Variants in KCTD19 observed in about 807,000 individuals in gnomAD.
KCTD19 encodes the protein potassium channel tetramerization domain containing 19, also known as BTB/POZ domain-containing protein KCTD19.
In KCTD19, 67 loss-of-function variants were observed where a neutral mutation model predicts 103.5. The ratio of observed to expected loss-of-function variants is 0.65; its 90% confidence interval spans 0.53 to 0.79. The LOEUF (loss-of-function observed/expected upper bound fraction) is 0.79. Among genes scored for constraint, KCTD19 ranks in the 30% least tolerant of loss-of-function variants. The pLI, the probability that KCTD19 is intolerant of heterozygous loss-of-function variation, is 0.00. For missense variants in KCTD19, 980 were observed against 1,136.1 expected (o/e 0.86, Z 1.98); for synonymous variants, 439 against 452.2 (o/e 0.97, Z 0.37).
At position 67,291,445 on chromosome 16, in the gene KCTD19, A is replaced by G. The variant is rs1392121067; in HGVS notation, c.2429T>C (p.Phe810Ser). 2 of 1,614,034 alleles carry G rather than the reference A, an allele frequency of 1.2e-6. No homozygotes were observed. Among genetic ancestry groups the G allele is most frequent in the Admixed American group, 3.3e-5 (2 of 60,000 alleles). ...PQPQEVTFLSFSLSWEEMFYA... is the reference protein window; with the variant it reads ...PQPQEVTFLSSSLSWEEMFYA... ...AAACATCTCTTCCCAGGACAGAGAG[A>G]AACTCAGGAAAGTCACTTCTGTGGA... is the stretch of plus-strand genomic sequence containing the variant. The change falls in exon 14 of 16, where the codon TTC becomes TCC. Residue 810 changes from phenylalanine (F) to serine (S), a missense_variant. Coordinates refer to ENST00000304372, the MANE Select transcript of KCTD19 (RefSeq NM_001100915.3).
At chr16:67,299,077 CT>C (rs2036802116) in intron 6 of KCTD19, among the ~76,000 whole-genome samples, 1 of 152,270 alleles carries the variant, frequency 6.6e-6, no homozygotes, top group Non-Finnish European at 1.5e-5. Context: ...CACCTCAGAC[CT>C]AGCACAGGGC....
At chr16:67,318,387 C>A (rs2037034951) in intron 2 of KCTD19, among the ~76,000 whole-genome samples, 3 of 151,996 alleles carry the variant, frequency 2.0e-5, no homozygotes, top group Admixed American at 2.0e-4. Context: ...CATGGTGAAA[C>A]CCTGTCTCTA....
At chr16:67,302,392 G>C (rs1193006806) in intron 4 of KCTD19, 1 of 164,082 alleles carries the variant, frequency 6.1e-6, no homozygotes, top group African/African-American at 2.4e-5. Context: ...AATCAACTTA[G>C]AGATACAGAA....
rs767604574 is a variant in KCTD19, at chr16:67,291,670, G to T, written c.2386C>A (p.Pro796Thr). ...CCTTGGGGCTGGGGACTGGCTGTGG[G>T]TGTTGTGTGCCTGAGGTTGTCCATC... ...TEMDNLRHTT[P>T]TASPQPQEVT... Residue 796 changes from proline to threonine, a missense_variant, in exon 13 of 16, where the codon CCC (proline) becomes ACC (threonine). Pro to Thr is a conservative substitution (Grantham distance 38). Coordinates refer to ENST00000304372, the MANE Select transcript of KCTD19 (RefSeq NM_001100915.3). 2 of 1,613,992 alleles carry T rather than the reference G, an allele frequency of 1.2e-6. No homozygotes were observed. Among genetic ancestry groups the T allele is most frequent in the Middle Eastern group, 1.6e-4 (1 of 6,062 alleles).
intron 2 of KCTD19, among the ~76,000 whole-genome samples, chr16:67,314,830 T>TATAGAGAGAG (rs1430877802): frequency 1.5e-4 from 5 of 33,652 alleles, no homozygotes; most frequent in African/African-American, 1.1e-3. Context: ...TATATATATA[T>TATAGAGAGAG]AGAGAGAGAG....
intron 14 of KCTD19, 22 bp downstream of exon 14, chr16:67,291,287 G>A: frequency 2.5e-6 from 4 of 1,608,796 alleles, no homozygotes; most frequent in Non-Finnish European, 3.4e-6. Context: ...GTGCCCCAGG[G>A]CCTGAGGCCT....
Position 67,303,717 on chromosome 16 carries a change from TTTG to T in KCTD19, c.452-383_452-381del, listed in dbSNP as rs762829117. On this transcript the variant is annotated intron_variant, in intron 3 of 15. Transcript: ENST00000304372. The surrounding 1 kb of genome is among the most constrained non-coding windows in gnomAD (Gnocchi z 4.3). ...CACGTGCCACCACACCCAGCTAATT[TTTG>T]TGTTTTCAGTAGAGACGGGGTTTCA... Among the ~76,000 whole-genome samples the T allele has an allele frequency of 4.1e-4, 62 of 152,112 alleles. No individual in the cohort carries two copies. Among genetic ancestry groups the T allele is most frequent in the Non-Finnish European group, 6.9e-4 (47 of 67,984 alleles).
At chr16:67,290,469 C>T (rs1373782992) in intron 15 of KCTD19, among the ~76,000 whole-genome samples, 6 of 152,106 alleles carry the variant, frequency 3.9e-5, no homozygotes, top group Non-Finnish European at 8.8e-5. Context: ...TGAGCCACCG[C>T]GCCCGGCCTA....
Position 67,291,650 on chromosome 16 carries a change from G to C in KCTD19, c.2406C>G (p.Pro802=). Residue 802 remains proline (P), a synonymous_variant, in exon 13 of 16, where the codon CCC becomes CCG. Coordinates refer to ENST00000304372, the MANE Select transcript of KCTD19 (RefSeq NM_001100915.3). ...RHTTPTASPQ[P]QEVTFLSFSL... is the part of the protein sequence containing the mutation. The stretch of plus-strand genomic sequence containing the variant: ...GGCCTGGCTCCAGAGCCTCACCTTG[G>C]GGCTGGGGACTGGCTGTGGGTGTTG... 6.2e-7 allele frequency: 1 copy of C among 1,613,288 alleles called. No homozygotes were observed. Among genetic ancestry groups the C allele is most frequent in the Middle Eastern group, 1.7e-4 (1 of 6,058 alleles).
chr16:67,292,534 GAGT>G (rs2036711611), intron 12 of KCTD19, among the ~76,000 whole-genome samples: 1 of 152,210 alleles, frequency 6.6e-6, no homozygotes, highest in South Asian at 2.1e-4. Context: ...CATGTCCAAA[GAGT>G]GGACATTTGT....
At chr16:67,291,185 C>A in intron 14 of KCTD19, 124 bp downstream of exon 14, 1 of 1,273,100 alleles carries the variant, frequency 7.9e-7, no homozygotes, top group Non-Finnish European at 1.1e-6. Context: ...ACTCTTCTGG[C>A]CCTGGCCTTC....
chr16:67,317,307 C>T (rs1289891580), intron 2 of KCTD19, among the ~76,000 whole-genome samples: 6 of 151,838 alleles, frequency 4.0e-5, no homozygotes, highest in Non-Finnish European at 8.8e-5. Flanking sequence ...AACAAAACCC[C>T]ATCTCCACTA....
At chr16:67,306,057 G>A (rs920589854) in intron 2 of KCTD19, among the ~76,000 whole-genome samples, 4 of 152,232 alleles carry the variant, frequency 2.6e-5, no homozygotes, top group African/African-American at 9.6e-5. Flanking sequence ...GACAGTGTGT[G>A]CGTGGAACGC....
At chr16:67,314,941 G>T (rs1438927069) in intron 2 of KCTD19, among the ~76,000 whole-genome samples, 1 of 149,358 alleles carries the variant, frequency 6.7e-6, no homozygotes, top group Non-Finnish European at 1.5e-5. Flanking sequence ...TTGCAGCCTT[G>T]ACCTCCCTGG....
At chr16:67,310,427 C>T (rs1025055666) in intron 2 of KCTD19, among the ~76,000 whole-genome samples, 1 of 152,198 alleles carries the variant, frequency 6.6e-6, no homozygotes, top group Admixed American at 6.5e-5. Context: ...TGGTCTTCTA[C>T]AGGCTGACTT....
Position 67,293,841 on chromosome 16 carries a change from C to T in KCTD19, c.1921G>A (p.Glu641Lys). The change falls in exon 12 of 16, where the codon GAA becomes AAA. Residue 641 changes from glutamate (E) to lysine (K), a missense_variant. By Grantham distance (56) the Glu-to-Lys change is moderately conservative. Transcript: ENST00000304372. This position sits in a 1 kb window ranked among gnomAD's most constrained non-coding sequence, Gnocchi z 4.0. ...TGTTTGCAATTGACCATGTCCCATT[C>T]TCTCACCAGGGAGATGAGTTTTTGC... ...PMQKLISLVR[E>K]WDMVNCKQWE... 6.2e-7 allele frequency: 1 copy of T among 1,613,996 alleles called. No individual in the cohort carries two copies. The highest frequency in any genetic ancestry group is 1.1e-5 in the South Asian group (1 of 91,082).
chr16:67,294,949 A>G, intron 10 of KCTD19, 24 bp downstream of exon 10: 2 of 1,556,654 alleles, frequency 1.3e-6, no homozygotes, highest in South Asian at 2.2e-5. Flanking sequence ...TTCTAAACAT[A>G]GAGTCGTGAT....
chr16:67,314,454 A>G (rs1228530253), intron 2 of KCTD19, among the ~76,000 whole-genome samples: 1 of 151,756 alleles, frequency 6.6e-6, no homozygotes, highest in Non-Finnish European at 1.5e-5. Context: ...TCACTCACCC[A>G]TCCTTCCTAC....
Position 67,297,883 on chromosome 16 carries a change from C to G in KCTD19, c.987-220G>C, listed in dbSNP as rs137958333. 1.4e-3 allele frequency among the ~76,000 whole-genome samples: 213 copies of G among 152,128 alleles called. 1 individual carries two copies. Among genetic ancestry groups the G allele is most frequent in the African/African-American group, 5.0e-3 (209 of 41,494 alleles). On this transcript the variant is annotated intron_variant, in intron 6 of 15. Coordinates refer to ENST00000304372, the MANE Select transcript of KCTD19 (RefSeq NM_001100915.3). ...TTGGCTCACTGCAACCTTTGCCTCCCAGGTTCAAGCAATTCTCCTGCCTCA... is the reference window on the plus strand; with the variant it reads ...TTGGCTCACTGCAACCTTTGCCTCCGAGGTTCAAGCAATTCTCCTGCCTCA...
Sources: gnomAD v4.1 joint callset for allele counts (sites outside exome capture counted in the v4.1 genomes callset) on GRCh38, gnomAD v4.1.1 for gene constraint, Gnocchi (gnomAD v3.1) non-coding constraint, MANE v1.5 for transcripts, NCBI Gene and HGNC (gene_info 2026-07-23, HGNC 2026-07-21) for gene names.